ASZ1: variants seen among roughly 807,000 people sequenced by gnomAD.
The protein encoded by ASZ1 is ankyrin repeat, SAM and basic leucine zipper domain containing 1.
A neutral mutation model predicts 61.8 loss-of-function variants in ASZ1; 67 were observed. The observed-to-expected ratio is 1.08, with a 90% CI of 0.89 to 1.33. The LOEUF is 1.33. Among genes scored for constraint, ASZ1 ranks in the 40% most tolerant of loss-of-function variants. The pLI, the probability that ASZ1 is intolerant of heterozygous loss-of-function variation, is 0.00. For synonymous variants in ASZ1, 193 were observed against 192.7 expected (o/e 1.00, Z -0.01); for missense variants, 577 against 554.5 (o/e 1.04, Z -0.41).
At chr7:117,377,975 T>G (rs79739128) in intron 10 of ASZ1, among the ~76,000 whole-genome samples, 3,462 of 152,094 alleles carry the variant, frequency 0.023, 130 homozygotes, top group African/African-American at 0.079. Flanking sequence ...GGGGCAATTA[T>G]CTATCCCCAG....
At chr7:117,409,612 A>C (rs1796855215) in intron 4 of ASZ1, among the ~76,000 whole-genome samples, 1 of 151,922 alleles carries the variant, frequency 6.6e-6, no homozygotes, top group South Asian at 2.1e-4. Flanking sequence ...ATAAAAATGA[A>C]TAACATACAA....
At chr7:117,372,352 A>G (rs1299642535) in intron 10 of ASZ1, among the ~76,000 whole-genome samples, 4 of 152,156 alleles carry the variant, frequency 2.6e-5, no homozygotes, top group African/African-American at 9.7e-5. Context: ...GTTACTGTGT[A>G]ACTTTTGAAC....
In ASZ1 at chr7:117,363,492, T is replaced by C. The variant is rs1299692060; in HGVS notation, c.*104A>G. On this transcript the variant is annotated 3_prime_UTR_variant, in exon 13 of 13. Transcript: ENST00000284629. ...TTGTCAAAATTTTTCCTATGGAATA[T>C]TGGCAAAGAATGTAAAGTTATATTG... 5.8e-6 allele frequency: 6 copies of C among 1,043,018 alleles called. No homozygotes were observed. The highest frequency in any genetic ancestry group is 3.8e-5 in the South Asian group (1 of 26,178). The allele number at this position is 1,043,018 out of a possible 1,614,324, so 64.6% of individuals were successfully genotyped here.
At chr7:117,421,869 C>T (rs548961320) in intron 3 of ASZ1, among the ~76,000 whole-genome samples, 2 of 152,214 alleles carry the variant, frequency 1.3e-5, no homozygotes, top group Admixed American at 6.5e-5. Flanking sequence ...ATCTTTGAAA[C>T]AACTTTAAGT....
chr7:117,420,359 T>C lies in ASZ1; in HGVS notation c.329-85A>G, dbSNP rs181019268. On this transcript the variant is annotated intron_variant, in intron 3 of 12. Transcript: ENST00000284629. ...CTTTACCACTCAAAACATTCTATTA[T>C]TGCACTCTAAAACTCTATAACCTCT... is the stretch of plus-strand genomic sequence containing the variant. 2.9e-4 allele frequency: 274 copies of C among 932,732 alleles called. 2 individuals carry two copies. The East Asian group carries it at 6.6e-3, about 22-fold the overall frequency. 57.8% of individuals were successfully genotyped at this position (932,732 alleles called of 1,614,324 possible).
At chr7:117,365,682 T>G (rs1458256395) in intron 12 of ASZ1, among the ~76,000 whole-genome samples, 2 of 152,172 alleles carry the variant, frequency 1.3e-5, no homozygotes, top group Non-Finnish European at 1.5e-5. Flanking sequence ...GTAGGATCAG[T>G]TCCTTTCCTT....
intron 5 of ASZ1, among the ~76,000 whole-genome samples, chr7:117,385,272 T>C (rs954038901): frequency 1.8e-4 from 27 of 152,128 alleles, no homozygotes; most frequent in Admixed American, 3.3e-4. Context: ...CTTTTCTTTT[T>C]TTTTGAGATG....
rs773542306 is a variant in ASZ1 at position 117,427,406 on chromosome 7, C to T, written c.55G>A (p.Glu19Lys). Residue 19 changes from glutamate to lysine, a missense_variant, in exon 1 of 13, where the codon GAG becomes AAG. Glu to Lys is a moderately conservative substitution (Grantham distance 56). Coordinates refer to ENST00000284629, the MANE Select transcript of ASZ1 (RefSeq NM_130768.3). ...LPVAGGGESS[E>K]SEDDGWEIGY... is the part of the protein sequence containing the mutation. ...ATCTCCCAGCCATCATCCTCGCTCT[C>T]GCTACTCTCGCCTCCGCCAGCCACT... is the stretch of plus-strand genomic sequence containing the variant. 1 of 1,614,170 alleles carries T rather than the reference C, an allele frequency of 6.2e-7. No homozygotes were observed. The highest frequency in any genetic ancestry group is 8.5e-7 in the Non-Finnish European group (1 of 1,180,018).
intron 4 of ASZ1, among the ~76,000 whole-genome samples, chr7:117,407,437 T>G (rs1386351786): frequency 6.6e-6 from 1 of 151,534 alleles, no homozygotes; most frequent in Non-Finnish European, 1.5e-5. Context: ...AGGACAGTAG[T>G]CCCTGCTTTA....
At chr7:117,404,423 T>A (rs1170620663) in intron 4 of ASZ1, among the ~76,000 whole-genome samples, 1 of 143,510 alleles carries the variant, frequency 7.0e-6, no homozygotes, top group Non-Finnish European at 1.5e-5. Context: ...TTTCCTTTTT[T>A]TTTTTTTTGA....
intron 1 of ASZ1, 147 bp downstream of exon 1, chr7:117,427,209 T>C: frequency 1.0e-6 from 1 of 1,004,186 alleles, no homozygotes; most frequent in Non-Finnish European, 1.5e-6. Flanking sequence ...TTTGTGCGGG[T>C]TTGCTTAAGT....
intron 4 of ASZ1, among the ~76,000 whole-genome samples, chr7:117,389,839 T>C (rs1027697319): frequency 1.3e-5 from 2 of 152,198 alleles, no homozygotes; most frequent in African/African-American, 4.8e-5. Context: ...TACTTTCCTT[T>C]CACCACATCT....
chr7:117,415,790 A>C (rs1054048611), intron 4 of ASZ1, among the ~76,000 whole-genome samples: 8 of 152,256 alleles, frequency 5.3e-5, no homozygotes, highest in African/African-American at 1.9e-4. Context: ...GTATTCAGTG[A>C]TATTAACGTT....
chr7:117,373,745 T>C (rs1047508067), intron 10 of ASZ1, among the ~76,000 whole-genome samples: 1 of 152,186 alleles, frequency 6.6e-6, no homozygotes, highest in Admixed American at 6.6e-5. Context: ...TAGCTTTTAA[T>C]ACGTGAACTA....
At chr7:117,375,771 A>G (rs1423504475) in intron 10 of ASZ1, among the ~76,000 whole-genome samples, 2 of 152,114 alleles carry the variant, frequency 1.3e-5, no homozygotes, top group African/African-American at 4.8e-5. Context: ...AAAAATATAC[A>G]TAGAAGTGAA....
intron 4 of ASZ1, among the ~76,000 whole-genome samples, chr7:117,414,691 T>C (rs1306334496): frequency 6.6e-6 from 1 of 152,126 alleles, no homozygotes; most frequent in Non-Finnish European, 1.5e-5. Context: ...TGTCCATGTG[T>C]TCTCACTGTT....
At chr7:117,371,980 C>T (rs1226530873) in intron 10 of ASZ1, among the ~76,000 whole-genome samples, 3 of 152,002 alleles carry the variant, frequency 2.0e-5, no homozygotes, top group African/African-American at 7.2e-5. Flanking sequence ...AAAATATATA[C>T]CTTTCTTGTG....
intron 2 of ASZ1, among the ~76,000 whole-genome samples, chr7:117,422,876 C>T (rs1454049088): frequency 3.9e-5 from 6 of 152,088 alleles, no homozygotes; most frequent in Non-Finnish European, 7.4e-5. Context: ...TTAAGAAACG[C>T]AGACTCTGTT....
intron 10 of ASZ1, among the ~76,000 whole-genome samples, chr7:117,378,963 A>G (rs1189630205): frequency 6.6e-6 from 1 of 151,558 alleles, no homozygotes; most frequent in Non-Finnish European, 1.5e-5. Context: ...TTCTATTTAT[A>G]TAATATTCAT....
Sources: allele counts gnomAD v4.1 joint callset (sites outside exome capture counted in the v4.1 genomes callset), GRCh38; gene constraint gnomAD v4.1.1; transcripts MANE v1.5; gene names NCBI Gene and HGNC (gene_info 2026-07-23, HGNC 2026-07-21).